QTMAN: variants seen among roughly 807,000 people sequenced by gnomAD.
QTMAN encodes the protein tRNA-queuosine alpha-mannosyltransferase.
the QTMAN span, among the ~76,000 whole-genome samples, chr2:144,129,926 T>C: frequency 3.3e-5 from 5 of 151,844 alleles, no homozygotes; most frequent in Admixed American, 1.3e-4. Flanking sequence ...TTGAGTCAAA[T>C]ATAGTAAGAA....
At chr2:144,025,344 T>C in the QTMAN span, among the ~76,000 whole-genome samples, 1 of 152,132 alleles carries the variant, frequency 6.6e-6, no homozygotes, top group East Asian at 1.9e-4. Context: ...CCCTAAAATA[T>C]GGGGCATAGA....
the QTMAN span, among the ~76,000 whole-genome samples, chr2:144,167,298 T>C: frequency 2.6e-5 from 4 of 152,224 alleles, no homozygotes; most frequent in Non-Finnish European, 5.9e-5. Context: ...CACAGCTTCA[T>C]GAAAAATCTT....
At chr2:144,102,399 G>T in the QTMAN span, among the ~76,000 whole-genome samples, 4 of 152,146 alleles carry the variant, frequency 2.6e-5, no homozygotes, top group African/African-American at 9.7e-5. Flanking sequence ...GGCATTTTGT[G>T]TTTAAAAAAA....
chr2:144,224,199 G>C, the QTMAN span, among the ~76,000 whole-genome samples: 1 of 152,122 alleles, frequency 6.6e-6, no homozygotes, highest in East Asian at 1.9e-4. Context: ...ACAAGCTATA[G>C]AAAATAGAAT....
At chr2:144,182,786 T>TATATATATATAATATATATATA in the QTMAN span, among the ~76,000 whole-genome samples, 45 of 16,452 alleles carry the variant, frequency 2.7e-3, 2 homozygotes, top group East Asian at 0.2. Flanking sequence ...TCAGGTACAT[T>TATATATATATAATATATATATA]ATATATATAT....
At chr2:144,238,178 A>T in the QTMAN span, among the ~76,000 whole-genome samples, 3 of 152,222 alleles carry the variant, frequency 2.0e-5, no homozygotes, top group Non-Finnish European at 4.4e-5. Flanking sequence ...CGCCTTCCAC[A>T]GGGAACCCAG....
At chr2:144,140,383 C>CT in the QTMAN span, among the ~76,000 whole-genome samples, 1 of 151,812 alleles carries the variant, frequency 6.6e-6, no homozygotes, top group African/African-American at 2.4e-5. Flanking sequence ...ACCATCTACT[C>CT]ACTTAGAGAT....
chr2:144,189,086 C>T, the QTMAN span, among the ~76,000 whole-genome samples: 2 of 152,164 alleles, frequency 1.3e-5, no homozygotes, highest in Admixed American at 6.5e-5. Context: ...AGACTGTACA[C>T]TTTAGACAAT....
the QTMAN span, among the ~76,000 whole-genome samples, chr2:144,149,749 T>C: frequency 1.3e-5 from 2 of 152,172 alleles, no homozygotes; most frequent in African/African-American, 4.8e-5. Context: ...TTTCAAGTCA[T>C]ATATGTTTAA....
At chr2:144,212,992 T>C in the QTMAN span, among the ~76,000 whole-genome samples, 12 of 152,164 alleles carry the variant, frequency 7.9e-5, no homozygotes, top group Non-Finnish European at 1.6e-4. Flanking sequence ...TTAAAAATTG[T>C]CTACCTTTTC....
chr2:144,215,273 TACACACAC>T, the QTMAN span, among the ~76,000 whole-genome samples: 40 of 143,864 alleles, frequency 2.8e-4, no homozygotes, highest in African/African-American at 1.0e-3. Flanking sequence ...TATATATATA[TACACACAC>T]ACACACACAC....
the QTMAN span, among the ~76,000 whole-genome samples, chr2:144,300,849 G>T: frequency 6.6e-6 from 1 of 152,140 alleles, no homozygotes; most frequent in Non-Finnish European, 1.5e-5. Context: ...GCCTCTTGAT[G>T]ATTATATGTT....
the QTMAN span, among the ~76,000 whole-genome samples, chr2:144,200,904 C>G: frequency 2.0e-5 from 3 of 152,052 alleles, no homozygotes; most frequent in Non-Finnish European, 2.9e-5. Context: ...CGGTAGTGCG[C>G]AGAGCAGGAA....
the QTMAN span, among the ~76,000 whole-genome samples, chr2:144,012,789 T>A: frequency 6.6e-6 from 1 of 152,102 alleles, no homozygotes; most frequent in Non-Finnish European, 1.5e-5. Context: ...ATTAATTAAT[T>A]AGTGTATGAT....
chr2:144,055,001 GC>G, the QTMAN span, among the ~76,000 whole-genome samples: 3 of 152,116 alleles, frequency 2.0e-5, no homozygotes, highest in Non-Finnish European at 4.4e-5. Context: ...TCCAAAATTG[GC>G]CCCTAAAAGC....
the QTMAN span, among the ~76,000 whole-genome samples, chr2:144,271,854 T>G: frequency 1.3e-5 from 2 of 152,214 alleles, no homozygotes; most frequent in Non-Finnish European, 1.5e-5. Flanking sequence ...ATCTCTTGTT[T>G]AAAGTCTCTG....
chr2:143,969,881 G>A, the QTMAN span, among the ~76,000 whole-genome samples: 1 of 152,188 alleles, frequency 6.6e-6, no homozygotes, highest in Non-Finnish European at 1.5e-5. Flanking sequence ...CACTTGCTAA[G>A]TGAAAGTAAA....
the QTMAN span, among the ~76,000 whole-genome samples, chr2:144,032,159 T>G: frequency 1.3e-5 from 2 of 152,080 alleles, no homozygotes. Context: ...AGTGCAAGCT[T>G]TGGAATGTGA....
chr2:144,284,164 CTTTGTGG>C, the QTMAN span, among the ~76,000 whole-genome samples: 1 of 151,876 alleles, frequency 6.6e-6, no homozygotes, highest in Non-Finnish European at 1.5e-5. Context: ...AATGGTAATA[CTTTGTGG>C]AAAGAAATAT....
Sources: allele counts gnomAD v4.1 joint callset (sites outside exome capture counted in the v4.1 genomes callset), GRCh38; gene constraint gnomAD v4.1.1; transcripts MANE v1.5; gene names NCBI Gene and HGNC (gene_info 2026-07-23, HGNC 2026-07-21).